Variants in HSPG2 observed in about 807,000 individuals in gnomAD.
The protein encoded by HSPG2 is heparan sulfate proteoglycan 2, also known as basement membrane-specific heparan sulfate proteoglycan core protein.
HSPG2 carries 278 observed loss-of-function variants against 526.6 expected under a neutral mutation model. That is an observed-to-expected ratio of 0.53 (90% CI 0.48 to 0.58). HSPG2 has a LOEUF of 0.58. Among genes scored for constraint, HSPG2 ranks in the 20% least tolerant of loss-of-function variants. The pLI is 0.00. For synonymous variants in HSPG2, 2,465 were observed against 2,555.4 expected, an observed-to-expected ratio of 0.96 and a Z score of 1.07; for missense variants, 5,354 against 6,099.5, an observed-to-expected ratio of 0.88 and a Z score of 4.07.
intron 50 of HSPG2, 33 bp from the exon 51 acceptor site, chr1:21,853,103 C>A (rs1439667063): frequency 6.2e-7 from 1 of 1,612,850 alleles, no homozygotes; most frequent in Non-Finnish European, 8.5e-7. Context: ...GAGGCCTGAA[C>A]TCTTGGGCTG....
In HSPG2 at chr1:21,864,932, C is replaced by T; in HGVS notation, c.4537G>A (p.Val1513Ile). The T allele has an allele frequency of 6.2e-7, 1 of 1,607,272 alleles. No individual in the cohort carries two copies. The highest frequency in any genetic ancestry group is 8.5e-7 in the Non-Finnish European group (1 of 1,178,406). Residue 1513 changes from valine (V) to isoleucine (I), a missense_variant, in exon 36 of 97, where the codon GTC becomes ATC. Physicochemically the swap from Val to Ile is conservative, Grantham distance 29. Coordinates refer to ENST00000374695, the MANE Select transcript of HSPG2 (RefSeq NM_005529.7). This position sits in a 1 kb window ranked among gnomAD's most constrained non-coding sequence, Gnocchi z 4.8. ...CTGTTTGAGGGCCCCGGCTGGGCGA[C>T]CTCCAGGCTGACTGCGCTGATGCTG... ...AASISAVSLE[V>I]AQPGPSNRPR...
At chr1:21,849,938 A>G (rs1638754392) in intron 57 of HSPG2, 103 bp downstream of exon 57, 2 of 1,451,932 alleles carry the variant, frequency 1.4e-6, no homozygotes, top group Non-Finnish European at 1.9e-6. Context: ...TTGGCCTCCC[A>G]AAGTGCCGGG....
intron 74 of HSPG2, among the ~76,000 whole-genome samples, chr1:21,838,523 T>A (rs2098036004): frequency 6.6e-6 from 1 of 152,364 alleles, no homozygotes; most frequent in Admixed American, 6.5e-5. Context: ...GCCCTGAGCA[T>A]TCTCACTGCC....
intron 1 of HSPG2, among the ~76,000 whole-genome samples, chr1:21,916,446 G>A (rs956437518): frequency 1.3e-5 from 2 of 151,920 alleles, no homozygotes; most frequent in African/African-American, 4.8e-5. Context: ...CAAAGCTCGC[G>A]GTGAACCGAG....
Position 21,824,679 on chromosome 1 carries a change from T to C in HSPG2, c.12665+25A>G, listed in dbSNP as rs1228868730. ...ATTCCCATCCTCCCCATTAGGCCCA[T>C]GGGCCCTTCCAATGCCAGTCTCACC... On this transcript the variant is annotated intron_variant, in intron 92 of 96. Coordinates refer to ENST00000374695, the MANE Select transcript of HSPG2 (RefSeq NM_005529.7). The surrounding 1 kb of genome is among the most constrained non-coding windows in gnomAD (Gnocchi z 5.9). 6.2e-7 allele frequency: 1 copy of C among 1,613,322 alleles called. No homozygotes were observed. Among genetic ancestry groups the C allele is most frequent in the East Asian group, 2.2e-5 (1 of 44,846 alleles).
At chr1:21,863,233 T>C (rs1398700673) in intron 37 of HSPG2, among the ~76,000 whole-genome samples, 3 of 139,248 alleles carry the variant, frequency 2.2e-5, no homozygotes, top group Middle Eastern at 4.7e-3. Flanking sequence ...ATTAGCCGGG[T>C]GTGGTAGCGG....
At position 21,833,275 on chromosome 1, in the gene HSPG2, T is replaced by C. The variant is rs1294845219; in HGVS notation, c.11088A>G (p.Ser3696=). Residue 3696 remains serine, a synonymous_variant, in exon 80 of 97, where the codon TCA becomes TCG. Coordinates refer to ENST00000374695, the MANE Select transcript of HSPG2 (RefSeq NM_005529.7). Reference sequence around the variant, plus strand: ...ATTAACCCTCCTGCTCACCATCGGCTGAGTCGGGCCGGAAGGTGATCTTGA... The same window carrying C: ...ATTAACCCTCCTGCTCACCATCGGCCGAGTCGGGCCGGAAGGTGATCTTGA... The part of the protein sequence containing the change: ...FEIKITFRPD[S]ADGMLLYNGQ... The C allele has an allele frequency of 1.2e-6, 2 of 1,613,778 alleles. No individual in the cohort carries two copies. The highest frequency in any genetic ancestry group is 1.7e-5 in the Admixed American group (1 of 60,026).
At chr1:21,855,738 C>CTG (rs755279730) in intron 45 of HSPG2, 49 bp downstream of exon 45, 1 of 1,607,760 alleles carries the variant, frequency 6.2e-7, no homozygotes, top group Non-Finnish European at 8.5e-7. Flanking sequence ...CCTCCCCTCC[C>CTG]ACACCCAGGA....
chr1:21,855,204 G>A, intron 47 of HSPG2, 100 bp downstream of exon 47: 1 of 1,466,026 alleles, frequency 6.8e-7, no homozygotes, highest in Non-Finnish European at 9.2e-7. Context: ...GGGAGCCACA[G>A]AGGAGGAGGT....
chr1:21,868,666 G>T (rs1640420453), intron 33 of HSPG2, among the ~76,000 whole-genome samples: 1 of 150,432 alleles, frequency 6.6e-6, no homozygotes, highest in African/African-American at 2.5e-5. Context: ...TCTGACAGGG[G>T]TCAGGGGCCA....
Position 21,850,152 on chromosome 1 carries a change from A to G in HSPG2, c.7335T>C (p.Ser2445=). 1 of 1,613,422 alleles carries G rather than the reference A, an allele frequency of 6.2e-7. No individual in the cohort carries two copies. The highest frequency in any genetic ancestry group is 8.5e-7 in the Non-Finnish European group (1 of 1,180,036). The change falls in exon 57 of 97, where the codon TCT becomes TCC. Residue 2445 remains serine (S), a synonymous_variant. Coordinates refer to ENST00000374695, the MANE Select transcript of HSPG2 (RefSeq NM_005529.7). ...GGGTCTGCCCCTCGGCCACTTGCGAAGACGATGACTCGATCCGGACCGTGG... is the reference window on the plus strand; with the variant it reads ...GGGTCTGCCCCTCGGCCACTTGCGAGGACGATGACTCGATCCGGACCGTGG... ...VTPTVRIESS[S]SQVAEGQTLD...
rs201355751 is a variant in HSPG2, at chr1:21,848,782, G to A, written c.7598C>T (p.Ala2533Val). ...RLSGSHSQGV[A>V]YPVRIESSSA... The stretch of plus-strand genomic sequence containing the variant: ...GGAGGACTCGATGCGGACGGGGTAC[G>A]CCACACCCTGGGCTGGGAGGGTGAG... Residue 2533 changes from alanine (A) to valine (V), a missense_variant, in exon 59 of 97, where the codon GCG (alanine) becomes GTG (valine). By Grantham distance (64) the Ala-to-Val change is moderately conservative. Coordinates refer to ENST00000374695, the MANE Select transcript of HSPG2 (RefSeq NM_005529.7). The surrounding 1 kb of genome is among the most constrained non-coding windows in gnomAD (Gnocchi z 4.9). 2.0e-5 allele frequency: 33 copies of A among 1,613,690 alleles called. No individual in the cohort carries two copies. Among genetic ancestry groups the A allele is most frequent in the Non-Finnish European group, 2.5e-5 (29 of 1,179,974 alleles).
At chr1:21,926,875 C>T (rs1455191852) in intron 1 of HSPG2, among the ~76,000 whole-genome samples, 3 of 151,704 alleles carry the variant, frequency 2.0e-5, no homozygotes, top group African/African-American at 7.3e-5. Context: ...GTAAGGGATC[C>T]AAGAAGAGGC....
Position 21,916,067 on chromosome 1 carries a change from AGAAG to A in HSPG2, c.64-19761_64-19758del, listed in dbSNP as rs572953027. 5.3e-3 allele frequency among the ~76,000 whole-genome samples: 733 copies of A among 137,814 alleles called. 17 individuals are homozygous for A. The highest frequency in any genetic ancestry group is 0.015 in the African/African-American group (572 of 37,040). 90.4% of individuals were successfully genotyped at this position (137,814 alleles called of 152,430 possible). ...CTCCATCTCAAAAAAGAAAAGAAGA[AGAAG>A]AAAAAAAAAAAAAGGCCTGGCACGG... is the stretch of plus-strand genomic sequence containing the variant. On this transcript the variant is annotated intron_variant, in intron 1 of 96. Transcript: ENST00000374695.
chr1:21,854,978 C>T lies in HSPG2; in HGVS notation c.6003G>A (p.Arg2001=), dbSNP rs771093245. The T allele has an allele frequency of 1.2e-6, 2 of 1,612,556 alleles. No individual in the cohort carries two copies. The highest frequency in any genetic ancestry group is 1.3e-5 in the African/African-American group (1 of 74,938). ...KEGGSLPPQA[R]SERTDIATLL... ...GTGTCGCGATGTCTGTGCGCTCTGA[C>T]CGGGCCTGCCGTGGGTGAGATGGGT... The change falls in exon 48 of 97, where the codon CGG becomes CGA. Residue 2001 remains arginine, a synonymous_variant. Transcript: ENST00000374695.
chr1:21,829,308 T>C, intron 87 of HSPG2, 75 bp downstream of exon 87: 1 of 1,488,978 alleles, frequency 6.7e-7, no homozygotes, highest in African/African-American at 1.4e-5. Flanking sequence ...CTCCCATGCC[T>C]CCCTGGGGCT....
chr1:21,859,671 C>T lies in HSPG2; in HGVS notation c.5188G>A (p.Glu1730Lys), dbSNP rs948765391. The T allele has an allele frequency of 1.9e-5, 30 of 1,606,908 alleles. No homozygotes were observed. Among genetic ancestry groups the T allele is most frequent in the East Asian group, 1.1e-4 (5 of 44,622 alleles). The change falls in exon 42 of 97, where the codon GAG becomes AAG. Residue 1730 changes from glutamate to lysine, a missense_variant. Transcript: ENST00000374695. The surrounding 1 kb of genome is among the most constrained non-coding windows in gnomAD (Gnocchi z 5.3). ...GGCTGGACGCTGGGGAAGTGGAGCTCGGAGCCTGGTGGGGAGGAGACAAGA... is the reference window on the plus strand; with the variant it reads ...GGCTGGACGCTGGGGAAGTGGAGCTTGGAGCCTGGTGGGGAGGAGACAAGA... ...SGTQQRHQGS[E>K]LHFPSVQPSD...
At position 21,879,072 on chromosome 1, in the gene HSPG2, C is replaced by A. The variant is rs1572339115; in HGVS notation, c.2393G>T (p.Gly798Val). The A allele has an allele frequency of 6.2e-7, 1 of 1,614,246 alleles. No homozygotes were observed. The change falls in exon 18 of 97, where the codon GGC (glycine) becomes GTC (valine). Residue 798 changes from glycine (G) to valine (V), a missense_variant. Coordinates refer to ENST00000374695, the MANE Select transcript of HSPG2 (RefSeq NM_005529.7). ...GGCCTTCATGGCGTCCCCAAAGAAG[C>A]CAGCCTTGCACTTGTTGCACTGTGG... ...EGPQCNKCKA[G>V]FFGDAMKATA...
chr1:21,842,729 C>T lies in HSPG2; in HGVS notation c.8910+41G>A, dbSNP rs74060195. The T allele has an allele frequency of 0.028, 44,739 of 1,611,598 alleles. 1,456 individuals carry two copies. Among genetic ancestry groups the T allele is most frequent in the African/African-American group, 0.17 (12,397 of 74,910 alleles). On this transcript the variant is annotated intron_variant, in intron 67 of 96. Coordinates refer to ENST00000374695, the MANE Select transcript of HSPG2 (RefSeq NM_005529.7). ...GTACAGAAAGCAACTGCAGGTCTAA[C>T]CTTGCCTGACCTGGAATCCTCCCCA...
Sources: allele counts gnomAD v4.1 joint callset (sites outside exome capture counted in the v4.1 genomes callset), GRCh38; gene constraint gnomAD v4.1.1; non-coding constraint Gnocchi (gnomAD v3.1); transcripts MANE v1.5; gene names NCBI Gene and HGNC (gene_info 2026-07-23, HGNC 2026-07-21).